Variants in ZNF536 observed in about 807,000 individuals in gnomAD.
ZNF536 encodes zinc finger protein 536.
A neutral mutation model predicts 84.5 loss-of-function variants in ZNF536; 13 were observed. That is an observed-to-expected ratio of 0.15 (90% confidence interval 0.10 to 0.24). The LOEUF (loss-of-function observed/expected upper bound fraction) is 0.24. ZNF536 is among the 10% of genes least tolerant of loss of function. The pLI is 1.00. For missense variants in ZNF536, 1,536 were observed against 1,747.5 expected (o/e 0.88, Z 2.16); for synonymous variants, 811 against 742.5 (o/e 1.09, Z -1.50).
intron 1 of ZNF536, among the ~76,000 whole-genome samples, chr19:30,400,356 G>A (rs969900958): frequency 2.0e-5 from 3 of 152,180 alleles, no homozygotes; most frequent in Non-Finnish European, 4.4e-5. Flanking sequence ...AGCAATGCAT[G>A]AGAGATCAGG....
At chr19:30,596,449 G>A (rs759487478) in intron 1 of ZNF536, among the ~76,000 whole-genome samples, 52 of 152,108 alleles carry the variant, frequency 3.4e-4, no homozygotes, top group African/African-American at 8.2e-4. Context: ...AGTGACAATC[G>A]CGGCACAGCC....
chr19:30,702,451 G>A (rs757855934), intron 1 of ZNF536, among the ~76,000 whole-genome samples: 1 of 152,174 alleles, frequency 6.6e-6, no homozygotes, highest in Non-Finnish European at 1.5e-5. Context: ...GAATGAGGTG[G>A]GGCGGGCAGT....
Position 30,364,062 on chromosome 19 carries a change from TAGG to T in ZNF536, c.-3+11580_-3+11582del, listed in dbSNP as rs564018745. On this transcript the variant is annotated intron_variant, in intron 3 of 5. Coordinates refer to the ZNF536 transcript ENST00000585628. The stretch of plus-strand genomic sequence containing the variant: ...ACTTAGGATACAGGTGTGAGATGTA[TAGG>T]ATATAGCATAAGAGCAGGCAAGCGT... Among the ~76,000 whole-genome samples the T allele has an allele frequency of 4.9e-4, 75 of 152,212 alleles. 2 individuals carry two copies. The South Asian group carries it at 0.015, about 29-fold the overall frequency.
In ZNF536 at chr19:30,548,599, G is replaced by A. The variant is rs112677884; in HGVS notation, c.2980G>A (p.Val994Met). 27 of 1,614,170 alleles carry A rather than the reference G, an allele frequency of 1.7e-5. 1 individual carries two copies. Among genetic ancestry groups the A allele is most frequent in the African/African-American group, 1.6e-4 (12 of 75,050 alleles). Residue 994 changes from valine (V) to methionine (M), a missense_variant, in exon 4 of 5, where the codon GTG (valine) becomes ATG (methionine). By Grantham distance (21) the Val-to-Met change is conservative. This residue lies in a region of ZNF536 where 624 missense variants were observed against 603.1 expected (regional missense o/e 1.03). Transcript: ENST00000355537. ...AASLPGSSVT[V>M]QDSIAWHGCL... Reference sequence around the variant, plus strand: ...CTCCCTCCCGGGCTCCTCGGTAACTGTGCAGGACAGCATTGCATGGCACGG... The same window carrying A: ...CTCCCTCCCGGGCTCCTCGGTAACTATGCAGGACAGCATTGCATGGCACGG...
rs117460615 is a variant in ZNF536 at position 30,318,668 on chromosome 19, C to T, written c.-119-33700C>T. ...GTGTGCGCATGAGTCTGTGCATACA[C>T]GTGTGTTTGCATGTGTGTGCATGGC... On this transcript the variant is annotated intron_variant, in intron 2 of 5. Transcript: ENST00000585628. Among the ~76,000 whole-genome samples the T allele has an allele frequency of 2.6e-5, 4 of 152,334 alleles. No homozygotes were observed. In the East Asian group the frequency reaches 5.8e-4, roughly 22 times the overall value.
At chr19:30,270,747 C>T (rs2025783309) in intron 1 of ZNF536, among the ~76,000 whole-genome samples, 1 of 136,848 alleles carries the variant, frequency 7.3e-6, no homozygotes, top group African/African-American at 3.0e-5. Context: ...GGGAAAAATG[C>T]AGGTTTTTTT....
chr19:30,609,928 A>G (rs1032466005), intron 1 of ZNF536, among the ~76,000 whole-genome samples: 25 of 151,288 alleles, frequency 1.7e-4, no homozygotes, highest in African/African-American at 6.1e-4. Context: ...CCATCCATCC[A>G]TCCATCCATC....
At chr19:30,647,991 C>T (rs1242712155) in intron 1 of ZNF536, among the ~76,000 whole-genome samples, 2 of 152,164 alleles carry the variant, frequency 1.3e-5, no homozygotes, top group Admixed American at 6.5e-5. Flanking sequence ...GGAAGCTTGC[C>T]TTCACTTTTC....
chr19:30,596,192 C>G (rs911956156), intron 1 of ZNF536, among the ~76,000 whole-genome samples: 1 of 151,638 alleles, frequency 6.6e-6, no homozygotes, highest in Non-Finnish European at 1.5e-5. Flanking sequence ...AAAATATATT[C>G]CACTGAATGA....
chr19:30,261,419 C>T (rs962438913), intron 1 of ZNF536, among the ~76,000 whole-genome samples: 8 of 150,852 alleles, frequency 5.3e-5, no homozygotes, highest in Non-Finnish European at 7.4e-5. Context: ...AGAGTAGGTG[C>T]GGTGGCTCAT....
chr19:30,577,138 C>G (rs1461219457), intron 1 of ZNF536, among the ~76,000 whole-genome samples: 1 of 152,052 alleles, frequency 6.6e-6, no homozygotes, highest in African/African-American at 2.4e-5. Flanking sequence ...TTTTTTTCTC[C>G]TTCATTTTAA....
At chr19:30,290,949 C>T (rs570396699) in intron 2 of ZNF536, among the ~76,000 whole-genome samples, 2 of 152,318 alleles carry the variant, frequency 1.3e-5, no homozygotes, top group East Asian at 1.9e-4. Flanking sequence ...GTTTGGTTTT[C>T]TGTTCCTGTG....
At chr19:30,370,741 A>G (rs1342143740), upstream of ZNF536, among the ~76,000 whole-genome samples, 1 of 152,232 alleles carries the variant, frequency 6.6e-6, no homozygotes, top group East Asian at 1.9e-4. Context: ...ACAGCTATTA[A>G]AAAGTGTAAA....
At chr19:30,701,509 T>TCACAAACACACAGACA (rs1001753354) in intron 1 of ZNF536, among the ~76,000 whole-genome samples, 6 of 65,048 alleles carry the variant, frequency 9.2e-5, no homozygotes, top group African/African-American at 2.4e-4. Flanking sequence ...ACACAAAAAC[T>TCACAAACACACAGACA]CACAAACACA....
chr19:30,645,934 G>T (rs763769205), intron 1 of ZNF536, among the ~76,000 whole-genome samples: 1 of 152,064 alleles, frequency 6.6e-6, no homozygotes, highest in African/African-American at 2.4e-5. Flanking sequence ...TCGCCATGCC[G>T]TTGCCCAGCC....
chr19:30,675,708 G>GA (rs1156647660), intron 1 of ZNF536, among the ~76,000 whole-genome samples: 1 of 151,980 alleles, frequency 6.6e-6, no homozygotes, highest in Non-Finnish European at 1.5e-5. Flanking sequence ...CTGGCGCCCA[G>GA]AAAAAAGAGG....
intron 1 of ZNF536, among the ~76,000 whole-genome samples, chr19:30,704,117 G>A (rs2052116304): frequency 6.6e-6 from 1 of 152,162 alleles, no homozygotes. Flanking sequence ...AGTTCAACTT[G>A]GGAGAGGCTA....
downstream of ZNF536, among the ~76,000 whole-genome samples, chr19:30,560,287 A>G (rs930727014): frequency 2.0e-5 from 3 of 150,122 alleles, no homozygotes; most frequent in African/African-American, 7.4e-5. Context: ...CCCATATACC[A>G]CCATCCATCC....
In ZNF536 at chr19:30,414,245, A is replaced by T. The variant is rs74256445; in HGVS notation, c.-2-29316A>T. 1.2e-3 allele frequency among the ~76,000 whole-genome samples: 187 copies of T among 151,684 alleles called. 3 individuals carry two copies. The East Asian group carries it at 0.029, about 24-fold the overall frequency. ...TTCCATTCTTAAATTTTCAACCTTT[A>T]TGTGAAACTGGTTCTCACATAAAGA... On this transcript the variant is annotated intron_variant, in intron 1 of 4. Transcript: ENST00000355537.
Sources: gnomAD v4.1 joint callset for allele counts (sites outside exome capture counted in the v4.1 genomes callset) on GRCh38, gnomAD v4.1.1 for gene constraint, gnomAD v4.1.1 regional missense constraint, MANE v1.5 for transcripts, NCBI Gene and HGNC (gene_info 2026-07-23, HGNC 2026-07-21) for gene names.